Variants in MAF observed in about 807,000 individuals in gnomAD.
MAF encodes MAF bZIP transcription factor, also known as transcription factor Maf.
In MAF, 10 loss-of-function variants were observed where a neutral mutation model predicts 22.0. The observed-to-expected ratio is 0.45, with a 90% confidence interval of 0.28 to 0.77. The LOEUF (loss-of-function observed/expected upper bound fraction) is 0.77. Among genes scored for constraint, MAF ranks in the 30% least tolerant of loss-of-function variants. MAF has a pLI of 0.12. For synonymous variants in MAF, 337 were observed against 255.8 expected, an observed-to-expected ratio of 1.32 and a Z score of -3.03; for missense variants, 544 against 548.4, an observed-to-expected ratio of 0.99 and a Z score of 0.08.
chr16:79,369,806 T>C, the MAF span, among the ~76,000 whole-genome samples: 1 of 152,230 alleles, frequency 6.6e-6, no homozygotes, highest in African/African-American at 2.4e-5. Flanking sequence ...CTGGCCAATC[T>C]CAAATCGTGA....
chr16:79,530,310 G>A, the MAF span, among the ~76,000 whole-genome samples: 1 of 152,126 alleles, frequency 6.6e-6, no homozygotes, highest in Non-Finnish European at 1.5e-5. Context: ...GCTGGGGGGT[G>A]GACCTACATC....
chr16:79,455,009 T>C, the MAF span, among the ~76,000 whole-genome samples: 13 of 151,170 alleles, frequency 8.6e-5, no homozygotes, highest in Admixed American at 6.6e-4. Context: ...GGCAGGAGAA[T>C]CACTTGGACC....
chr16:79,495,384 G>A, the MAF span, among the ~76,000 whole-genome samples: 1 of 152,102 alleles, frequency 6.6e-6, no homozygotes, highest in Non-Finnish European at 1.5e-5. Context: ...GATCACTTGA[G>A]CCCAGGAGGT....
At chr16:79,467,460 G>A in the MAF span, among the ~76,000 whole-genome samples, 2 of 152,146 alleles carry the variant, frequency 1.3e-5, no homozygotes, top group Non-Finnish European at 2.9e-5. Context: ...CTTATTGCAG[G>A]CAGTGATCTT....
the MAF span, among the ~76,000 whole-genome samples, chr16:79,402,862 G>T: frequency 3.3e-5 from 5 of 152,188 alleles, no homozygotes; most frequent in African/African-American, 1.2e-4. Flanking sequence ...AGTAGAGGAG[G>T]GAAACGTCTC....
At chr16:79,506,600 G>A in the MAF span, among the ~76,000 whole-genome samples, 4,821 of 152,238 alleles carry the variant, frequency 0.032, 287 homozygotes, top group African/African-American at 0.11. Context: ...AAGAAGAGGG[G>A]CCAGAGAGGA....
chr16:79,274,994 G>A, the MAF span, among the ~76,000 whole-genome samples: 1 of 152,158 alleles, frequency 6.6e-6, no homozygotes, highest in East Asian at 1.9e-4. Flanking sequence ...CCTTAACTGA[G>A]ATATGCATAT....
the MAF span, among the ~76,000 whole-genome samples, chr16:79,537,756 T>A: frequency 0.067 from 10,132 of 152,176 alleles, 526 homozygotes; most frequent in Non-Finnish European, 0.088. Flanking sequence ...TGGGTGCCAA[T>A]GAGACAGCTG....
the MAF span, among the ~76,000 whole-genome samples, chr16:79,542,054 T>TG: frequency 2.0e-5 from 3 of 152,162 alleles, no homozygotes; most frequent in African/African-American, 7.2e-5. Flanking sequence ...AAAGCTAAGC[T>TG]GGTTGGTCCC....
At chr16:79,247,316 G>C in the MAF span, among the ~76,000 whole-genome samples, 1 of 152,224 alleles carries the variant, frequency 6.6e-6, no homozygotes, top group African/African-American at 2.4e-5. Flanking sequence ...ATGGAGAACA[G>C]AAATGAATAT....
chr16:79,314,789 G>A, the MAF span, among the ~76,000 whole-genome samples: 451 of 152,264 alleles, frequency 3.0e-3, 3 homozygotes, highest in African/African-American at 0.01. Flanking sequence ...TTCTACCCAC[G>A]ATGCACCTCT....
In MAF at chr16:79,594,239, C is replaced by T. The variant is rs1316780843; in HGVS notation, c.*221G>A. The T allele has an allele frequency of 8.7e-5, 47 of 542,114 alleles. No homozygotes were observed. The East Asian group carries it at 8.7e-4, about 10-fold the overall frequency. 33.6% of individuals were successfully genotyped at this position (542,114 alleles called of 1,614,324 possible). ...AGCAATGCACCTGTTTACTTGCACA[C>T]ACCATAAATCGAAAAGCAGGAGTGC... is the stretch of plus-strand genomic sequence containing the variant. On this transcript the variant is annotated 3_prime_UTR_variant, in exon 2 of 2. Transcript: ENST00000326043.
the MAF span, among the ~76,000 whole-genome samples, chr16:79,507,449 G>C: frequency 4.1e-5 from 6 of 145,520 alleles, no homozygotes; most frequent in Non-Finnish European, 7.5e-5. Context: ...TTTTGAGACA[G>C]AGTCTCACTC....
the MAF span, among the ~76,000 whole-genome samples, chr16:79,297,681 T>A: frequency 5.3e-5 from 8 of 152,292 alleles, no homozygotes; most frequent in African/African-American, 1.9e-4. Flanking sequence ...AACACTACCA[T>A]TCTCATTCTT....
chr16:79,335,344 G>A, the MAF span, among the ~76,000 whole-genome samples: 5 of 152,126 alleles, frequency 3.3e-5, no homozygotes, highest in East Asian at 3.9e-4. Flanking sequence ...TTACTTCCTC[G>A]TACTATGGCC....
chr16:79,541,893 C>T, the MAF span, among the ~76,000 whole-genome samples: 82 of 152,022 alleles, frequency 5.4e-4, no homozygotes, highest in Admixed American at 2.6e-3. Flanking sequence ...TCACCTCAAG[C>T]GATCCACCAT....
chr16:79,205,198 A>T, the MAF span: 1 of 152,088 alleles, frequency 6.6e-6, no homozygotes. Flanking sequence ...GTCCCTTGTA[A>T]TTTGTGGTTG....
At chr16:79,565,670 A>G in the MAF span, among the ~76,000 whole-genome samples, 1 of 152,140 alleles carries the variant, frequency 6.6e-6, no homozygotes, top group Non-Finnish European at 1.5e-5. Flanking sequence ...CCCTTCTGCC[A>G]TAATTGTAAG....
chr16:79,508,062 A>G, the MAF span, among the ~76,000 whole-genome samples: 1 of 152,138 alleles, frequency 6.6e-6, no homozygotes, highest in Admixed American at 6.5e-5. Flanking sequence ...GCAGCAGGAA[A>G]AAGGGATGGA....
Sources: allele counts gnomAD v4.1 joint callset (sites outside exome capture counted in the v4.1 genomes callset), GRCh38; gene constraint gnomAD v4.1.1; transcripts MANE v1.5; gene names NCBI Gene and HGNC (gene_info 2026-07-23, HGNC 2026-07-21).